The following RIT2 variants were observed in gnomAD, a reference collection of about 807,000 sequenced individuals.
The protein encoded by RIT2 is Ras like without CAAX 2, also known as GTP-binding protein Rit2.
RIT2 carries 24 observed loss-of-function variants against 23.7 expected under a neutral mutation model. The observed-to-expected ratio is 1.01, with a 90% confidence interval of 0.73 to 1.43. RIT2 has a LOEUF of 1.43. Among genes scored for constraint, RIT2 ranks in the 40% most tolerant of loss-of-function variants. The probability of loss-of-function intolerance (pLI) is 0.00; values close to 1 mark genes in which losing one functional copy is unlikely to be tolerated. For missense variants in RIT2, 236 were observed against 266.9 expected (o/e 0.88, Z 0.81); for synonymous variants, 107 against 91.1 (o/e 1.17, Z -0.99).
chr18:42,906,732 C>T (rs1054473351), intron 4 of RIT2, among the ~76,000 whole-genome samples: 4 of 152,152 alleles, frequency 2.6e-5, no homozygotes, highest in African/African-American at 9.7e-5. Flanking sequence ...TGGAACACTG[C>T]CTTTCAAAAC....
At chr18:42,976,937 G>A (rs1003786045) in intron 2 of RIT2, among the ~76,000 whole-genome samples, 20 of 152,038 alleles carry the variant, frequency 1.3e-4, no homozygotes, top group African/African-American at 4.3e-4. Context: ...ATAGCACTTA[G>A]TGACTAATTG....
chr18:42,973,385 G>A (rs1910406222), intron 3 of RIT2, among the ~76,000 whole-genome samples: 1 of 151,290 alleles, frequency 6.6e-6, no homozygotes, highest in African/African-American at 2.4e-5. Flanking sequence ...TATGGTTTAT[G>A]TCTAGCACTT....
intron 1 of RIT2, among the ~76,000 whole-genome samples, chr18:43,068,232 A>G (rs1039047030): frequency 6.6e-6 from 1 of 152,150 alleles, no homozygotes; most frequent in African/African-American, 2.4e-5. Flanking sequence ...CAATAAATCT[A>G]TGGAATAGGT....
At chr18:42,949,355 A>G (rs550880479) in intron 3 of RIT2, among the ~76,000 whole-genome samples, 2 of 152,244 alleles carry the variant, frequency 1.3e-5, no homozygotes, top group South Asian at 4.1e-4. Flanking sequence ...TATGCATACC[A>G]TAGTAAATTA....
chr18:42,787,521 A>C (rs1419723448), intron 4 of RIT2, among the ~76,000 whole-genome samples: 1 of 152,222 alleles, frequency 6.6e-6, no homozygotes, highest in Non-Finnish European at 1.5e-5. Flanking sequence ...CTGAAGCTCA[A>C]GCTATGTTTT....
intron 1 of RIT2, among the ~76,000 whole-genome samples, chr18:43,074,341 G>T (rs1006449542): frequency 6.6e-6 from 1 of 152,076 alleles, no homozygotes. Flanking sequence ...TTATACATAC[G>T]TGTATGTATT....
chr18:42,927,222 C>G (rs971084821), intron 3 of RIT2, among the ~76,000 whole-genome samples: 12 of 150,892 alleles, frequency 8.0e-5, no homozygotes, highest in Admixed American at 4.6e-4. Context: ...AAGTATTAAG[C>G]TTTTTTTTTC....
intron 1 of RIT2, among the ~76,000 whole-genome samples, chr18:43,108,686 G>A (rs985682677): frequency 2.1e-4 from 32 of 152,062 alleles, no homozygotes; most frequent in Middle Eastern, 3.2e-3. Flanking sequence ...AAAGCCTTTC[G>A]CCTGAATTCT....
At chr18:43,069,309 C>G (rs1364482678) in intron 1 of RIT2, among the ~76,000 whole-genome samples, 1 of 152,006 alleles carries the variant, frequency 6.6e-6, no homozygotes, top group Non-Finnish European at 1.5e-5. Flanking sequence ...AGTAGCTATT[C>G]TTTCACCACT....
rs768085161 is a variant in RIT2 at position 43,027,673 on chromosome 18, C to T, written c.160+6138G>A. Among the ~76,000 whole-genome samples the T allele has an allele frequency of 1.1e-4, 17 of 152,012 alleles. No individual in the cohort carries two copies. The East Asian group carries it at 2.3e-3, about 21-fold the overall frequency. ...GGAGGAGAAGTTGGTGATTTTAGAGCAGTGAGAAATTGAGTAGTCTACGAC... is the reference window on the plus strand; with the variant it reads ...GGAGGAGAAGTTGGTGATTTTAGAGTAGTGAGAAATTGAGTAGTCTACGAC... On this transcript the variant is annotated intron_variant, in intron 2 of 4. Transcript: ENST00000326695.
At chr18:42,868,573 C>T (rs761433820) in intron 4 of RIT2, among the ~76,000 whole-genome samples, 5 of 152,216 alleles carry the variant, frequency 3.3e-5, no homozygotes, top group Non-Finnish European at 7.3e-5. Context: ...TGCTAGGCAG[C>T]AGTGTAGACA....
intron 1 of RIT2, among the ~76,000 whole-genome samples, chr18:43,091,287 T>C (rs764786737): frequency 1.3e-4 from 20 of 152,226 alleles, no homozygotes; most frequent in Non-Finnish European, 2.5e-4. Flanking sequence ...ACAGTGTTTA[T>C]ACATTCACTT....
Position 42,905,587 on chromosome 18 carries a change from C to T in RIT2, c.426+17985G>A, listed in dbSNP as rs148626427. On this transcript the variant is annotated intron_variant, in intron 4 of 4. Coordinates refer to ENST00000326695, the MANE Select transcript of RIT2 (RefSeq NM_002930.4). ...TCGCAGGTTCAAGTGATTCTCCTGC[C>T]TCAGTCTCCCAAGTAGCTGGGATTA... is the stretch of plus-strand genomic sequence containing the variant. Among the ~76,000 whole-genome samples, 780 of 152,246 alleles carry T rather than the reference C, an allele frequency of 5.1e-3. 6 individuals are homozygous for T. Among genetic ancestry groups the T allele is most frequent in the African/African-American group, 0.015 (640 of 41,538 alleles).
At chr18:42,998,926 C>T (rs926981840) in intron 2 of RIT2, among the ~76,000 whole-genome samples, 35 of 152,106 alleles carry the variant, frequency 2.3e-4, no homozygotes, top group African/African-American at 7.9e-4. Context: ...GATTGCGAAC[C>T]AGGTTACTGC....
At chr18:42,920,746 C>T (rs1385945568) in intron 4 of RIT2, 2 of 1,595,732 alleles carry the variant, frequency 1.3e-6, no homozygotes, top group South Asian at 1.1e-5. Flanking sequence ...CCCTTCCAAA[C>T]TCTTTCAGTG....
chr18:42,813,746 C>T (rs572988503), intron 4 of RIT2, among the ~76,000 whole-genome samples: 2 of 152,124 alleles, frequency 1.3e-5, no homozygotes, highest in Admixed American at 6.6e-5. Context: ...CTGACTCAGG[C>T]GGACAGAGCA....
chr18:42,771,165 A>G (rs1265776542), intron 4 of RIT2, among the ~76,000 whole-genome samples: 1 of 151,884 alleles, frequency 6.6e-6, no homozygotes, highest in Non-Finnish European at 1.5e-5. Flanking sequence ...TCCCTTCATT[A>G]TTTCTGTATC....
At chr18:42,810,679 T>A (rs553534757) in intron 4 of RIT2, among the ~76,000 whole-genome samples, 1 of 152,090 alleles carries the variant, frequency 6.6e-6, no homozygotes, top group African/African-American at 2.4e-5. Flanking sequence ...TGACGTTAAA[T>A]TTCTTTACTC....
chr18:42,997,914 T>C (rs74418627), intron 2 of RIT2, among the ~76,000 whole-genome samples: 4,763 of 152,246 alleles, frequency 0.031, 250 homozygotes, highest in African/African-American at 0.11. Flanking sequence ...TATTTTTCCA[T>C]GTCCTTGACT....
Sources: allele counts gnomAD v4.1 joint callset (sites outside exome capture counted in the v4.1 genomes callset), GRCh38; gene constraint gnomAD v4.1.1; transcripts MANE v1.5; gene names NCBI Gene and HGNC (gene_info 2026-07-23, HGNC 2026-07-21).